Variants in AGK observed in about 807,000 individuals in gnomAD.
AGK encodes the protein acylglycerol kinase, also known as acylglycerol kinase, mitochondrial.
Under a neutral mutation model 66.4 loss-of-function variants are expected in AGK, and 52 were observed. That is an observed-to-expected ratio of 0.78 (90% confidence interval 0.63 to 0.99). AGK has a LOEUF of 0.99. Ranked by LOEUF, AGK falls within the 50% of genes least tolerant of loss-of-function variation. AGK has a pLI of 0.00. For missense variants in AGK, 451 were observed against 506.6 expected (o/e 0.89, Z 1.05); for synonymous variants, 182 against 181.1 (o/e 1.00, Z -0.04).
intron 14 of AGK, chr7:141,650,657 A>T: frequency 1.0e-6 from 1 of 985,408 alleles, no homozygotes; most frequent in South Asian, 4.7e-5. Context: ...CATGAGGTGG[A>T]GTGTGTGTCT....
At chr7:141,630,428 A>C (rs117498152) in intron 9 of AGK, among the ~76,000 whole-genome samples, 1 of 152,214 alleles carries the variant, frequency 6.6e-6, no homozygotes, top group South Asian at 2.1e-4. Flanking sequence ...TCTCACCACA[A>C]AAAAGGATAA....
At position 141,651,628 on chromosome 7, in the gene AGK, G is replaced by C. The variant is rs371220594; in HGVS notation, c.1131+19G>C. On this transcript the variant is annotated intron_variant, in intron 15 of 15. Transcript: ENST00000649286. ...CCCGGAGGTGAGTGGGGAAGGGGTC[G>C]GTAGTCACAGCATTTGATTCGTTCG... 1 of 1,609,662 alleles carries C rather than the reference G, an allele frequency of 6.2e-7. No individual in the cohort carries two copies. Among genetic ancestry groups the C allele is most frequent in the Non-Finnish European group, 8.5e-7 (1 of 1,175,870 alleles).
intron 2 of AGK, among the ~76,000 whole-genome samples, chr7:141,591,465 C>T (rs1796117969): frequency 6.6e-6 from 1 of 152,080 alleles, no homozygotes; most frequent in South Asian, 2.1e-4. Flanking sequence ...AGTGAAGCCG[C>T]CTGCTTTGTG....
chr7:141,603,622 A>G (rs1245974212), intron 5 of AGK, among the ~76,000 whole-genome samples: 1 of 152,168 alleles, frequency 6.6e-6, no homozygotes, highest in Non-Finnish European at 1.5e-5. Context: ...CCAACATTCT[A>G]TACCAGTTAT....
chr7:141,587,780 G>A (rs1265661704), intron 2 of AGK, among the ~76,000 whole-genome samples: 1 of 152,196 alleles, frequency 6.6e-6, no homozygotes, highest in Admixed American at 6.5e-5. Context: ...TTGATTACCT[G>A]TTGAATTGTC....
At chr7:141,637,092 T>A in intron 11 of AGK, 75 bp downstream of exon 11, 1 of 1,253,998 alleles carries the variant, frequency 8.0e-7, no homozygotes, top group South Asian at 1.3e-5. Context: ...TTTGGTATTT[T>A]TTTTTAATTC....
intron 11 of AGK, among the ~76,000 whole-genome samples, chr7:141,638,829 C>G (rs1797227788): frequency 6.6e-6 from 1 of 152,076 alleles, no homozygotes; most frequent in Non-Finnish European, 1.5e-5. Flanking sequence ...GTTTAACATA[C>G]CTGTGGTACA....
At chr7:141,552,220 T>C (rs1165115901) in intron 1 of AGK, among the ~76,000 whole-genome samples, 2 of 152,266 alleles carry the variant, frequency 1.3e-5, no homozygotes, top group African/African-American at 4.8e-5. Context: ...CTTCTTCCAG[T>C]TCATTTTTCA....
At chr7:141,558,579 T>C (rs74666278) in intron 2 of AGK, among the ~76,000 whole-genome samples, 11,102 of 152,254 alleles carry the variant, frequency 0.073, 785 homozygotes, top group African/African-American at 0.18. Context: ...AAACATGCTA[T>C]AATTAACTTG....
At chr7:141,600,403 G>A (rs1397063780) in intron 4 of AGK, among the ~76,000 whole-genome samples, 1 of 152,172 alleles carries the variant, frequency 6.6e-6, no homozygotes, top group East Asian at 1.9e-4. Flanking sequence ...CTGTCAGAAT[G>A]ATATGCATAA....
At chr7:141,573,989 T>C (rs1795674885) in intron 2 of AGK, among the ~76,000 whole-genome samples, 2 of 152,212 alleles carry the variant, frequency 1.3e-5, no homozygotes, top group African/African-American at 4.8e-5. Flanking sequence ...TTGTATGTAA[T>C]TGAGTCTCAT....
At chr7:141,593,337 T>A in intron 3 of AGK, 152 bp downstream of exon 3, 1 of 739,400 alleles carries the variant, frequency 1.4e-6, no homozygotes, top group Non-Finnish European at 2.4e-6. Context: ...GGGAGCCAAC[T>A]CTGAGTAGAA....
intron 10 of AGK, among the ~76,000 whole-genome samples, chr7:141,635,514 G>A (rs1215903858): frequency 6.6e-6 from 1 of 152,102 alleles, no homozygotes. Context: ...ATTAGTAGTA[G>A]CACAGTATCA....
In AGK at chr7:141,649,316, AGACTTTATAACTATAGGGTAAGTG is replaced by A. The variant is rs1477720058; in HGVS notation, c.1034_1046+11del. On this transcript the variant is annotated splice_donor_variant and splice_donor_5th_base_variant and coding_sequence_variant and intron_variant, in exon 14 of 16. Transcript: ENST00000649286. LOFTEE classifies it high-confidence loss of function. ...TTGAACCTGACACCATCAGCAAAGG[AGACTTTATAACTATAGGGTAAGTG>A]GACTGGGGTTCACAGGAAATGAGGC... 1 of 1,612,994 alleles carries A rather than the reference AGACTTTATAACTATAGGGTAAGTG, an allele frequency of 6.2e-7. No homozygotes were observed. Among genetic ancestry groups the A allele is most frequent in the African/African-American group, 1.3e-5 (1 of 74,904 alleles).
At chr7:141,636,898 T>C in intron 10 of AGK, 62 bp from the exon 11 acceptor site, 1 of 1,340,566 alleles carries the variant, frequency 7.5e-7, no homozygotes, top group Non-Finnish European at 1.1e-6. Context: ...CCATGAATGG[T>C]ATCTATCACA....
Position 141,555,495 on chromosome 7 carries a change from A to G in AGK, c.29A>G (p.Asn10Ser), listed in dbSNP as rs35269563. The G allele has an allele frequency of 2.6e-4, 415 of 1,614,104 alleles. 2 individuals are homozygous for G. The African/African-American group carries it at 5.1e-3, about 20-fold the overall frequency. ...ACGGTGTTCTTTAAAACGCTTCGAAATCACTGGAAGAAAACTACAGCTGGG... is the reference window on the plus strand; with the variant it reads ...ACGGTGTTCTTTAAAACGCTTCGAAGTCACTGGAAGAAAACTACAGCTGGG... MTVFFKTLRNHWKKTTAGLC... is the reference protein window; with the variant it reads MTVFFKTLRSHWKKTTAGLC... The change falls in exon 2 of 16, where the codon AAT becomes AGT. Residue 10 changes from asparagine (N) to serine (S), a missense_variant. Coordinates refer to ENST00000649286, the MANE Select transcript of AGK (RefSeq NM_018238.4). The surrounding 1 kb of genome is among the most constrained non-coding windows in gnomAD (Gnocchi z 4.2).
chr7:141,574,717 A>G (rs1393902181), intron 2 of AGK, among the ~76,000 whole-genome samples: 1 of 152,234 alleles, frequency 6.6e-6, no homozygotes, highest in East Asian at 1.9e-4. Flanking sequence ...AATTGTGTGG[A>G]GAAAATCTGA....
In AGK at chr7:141,625,207, A is replaced by C. The variant is rs182287847; in HGVS notation, c.588+3406A>C. On this transcript the variant is annotated intron_variant, in intron 9 of 15. Coordinates refer to ENST00000649286, the MANE Select transcript of AGK (RefSeq NM_018238.4). ...ACTTTTATATGCACTGGAAAACCAA[A>C]AAGTTTTTTTGACTCATTTTATTGT... Among the ~76,000 whole-genome samples, 311 of 152,260 alleles carry C rather than the reference A, an allele frequency of 2.0e-3. 3 individuals carry two copies. Among genetic ancestry groups the C allele is most frequent in the African/African-American group, 7.2e-3 (298 of 41,538 alleles).
chr7:141,567,847 G>C (rs1795503990), intron 2 of AGK, among the ~76,000 whole-genome samples: 1 of 152,170 alleles, frequency 6.6e-6, no homozygotes, highest in Non-Finnish European at 1.5e-5. Flanking sequence ...AGTTGTCTCT[G>C]GAGTTGGACT....
Sources: allele counts gnomAD v4.1 joint callset (sites outside exome capture counted in the v4.1 genomes callset), GRCh38; gene constraint gnomAD v4.1.1; non-coding constraint Gnocchi (gnomAD v3.1); transcripts MANE v1.5; gene names NCBI Gene and HGNC (gene_info 2026-07-23, HGNC 2026-07-21).